MAGI2: variants seen among roughly 807,000 people sequenced by gnomAD.
MAGI2 encodes the protein membrane-associated guanylate kinase, WW and PDZ domain-containing protein 2.
MAGI2 carries 35 observed loss-of-function variants against 133.3 expected under a neutral mutation model. The observed-to-expected ratio is 0.26, with a 90% CI of 0.20 to 0.35. The LOEUF (loss-of-function observed/expected upper bound fraction) is 0.35. MAGI2 is among the 10% of genes least tolerant of loss of function. MAGI2 has a pLI of 1.00. For synonymous variants in MAGI2, 729 were observed against 710.6 expected (o/e 1.03, Z -0.41); for missense variants, 1,636 against 1,863.4 (o/e 0.88, Z 2.25).
intron 21 of MAGI2, among the ~76,000 whole-genome samples, chr7:78,028,342 T>C (rs1436442677): frequency 1.3e-5 from 2 of 152,214 alleles, no homozygotes; most frequent in Admixed American, 1.3e-4. Context: ...TATTGAAGCT[T>C]CACATTTATA....
chr7:78,845,775 C>T (rs982001397), intron 2 of MAGI2, among the ~76,000 whole-genome samples: 1 of 151,862 alleles, frequency 6.6e-6, no homozygotes, highest in African/African-American at 2.4e-5. Context: ...TTGACTGATT[C>T]CTCACATTGC....
chr7:78,251,465 C>A (rs547219742), intron 10 of MAGI2: 1 of 152,180 alleles, frequency 6.6e-6, no homozygotes, highest in Non-Finnish European at 1.5e-5. Context: ...ATAATAACTA[C>A]ATAGAATATA....
chr7:78,455,851 T>A (rs949718887), intron 6 of MAGI2, among the ~76,000 whole-genome samples: 1 of 152,098 alleles, frequency 6.6e-6, no homozygotes. Flanking sequence ...AGTCTACCTA[T>A]TTTTTGTTTA....
chr7:79,220,895 C>T (rs1253715890), intron 1 of MAGI2, among the ~76,000 whole-genome samples: 2 of 152,010 alleles, frequency 1.3e-5, no homozygotes, highest in East Asian at 3.9e-4. Context: ...AAAAAAGACT[C>T]ACCTGAAGAG....
intron 6 of MAGI2, among the ~76,000 whole-genome samples, chr7:78,472,588 G>A (rs1391422960): frequency 1.3e-5 from 2 of 152,088 alleles, no homozygotes; most frequent in Non-Finnish European, 2.9e-5. Context: ...AGGGAATACT[G>A]TATTTCTAAG....
intron 6 of MAGI2, among the ~76,000 whole-genome samples, chr7:78,471,681 T>C (rs1384865088): frequency 6.6e-6 from 1 of 152,048 alleles, no homozygotes; most frequent in Non-Finnish European, 1.5e-5. Context: ...ATCTCAGCCA[T>C]TTGGGAGAAC....
chr7:78,833,668 G>A (rs963687714), intron 2 of MAGI2, among the ~76,000 whole-genome samples: 3 of 152,146 alleles, frequency 2.0e-5, no homozygotes, highest in African/African-American at 7.2e-5. Context: ...AGCCCTCTCT[G>A]TTCATATCCT....
At chr7:79,372,910 A>G (rs1843141452) in intron 1 of MAGI2, among the ~76,000 whole-genome samples, 1 of 151,954 alleles carries the variant, frequency 6.6e-6, no homozygotes, top group Non-Finnish European at 1.5e-5. Context: ...GCTTTGGGGG[A>G]GTTCAGAAAT....
intron 2 of MAGI2, among the ~76,000 whole-genome samples, chr7:78,776,181 C>T (rs1047286781): frequency 1.3e-5 from 2 of 152,186 alleles, no homozygotes; most frequent in African/African-American, 2.4e-5. Context: ...TATTTTATTA[C>T]CACTATTGTT....
intron 1 of MAGI2, among the ~76,000 whole-genome samples, chr7:79,065,626 T>C (rs1168813206): frequency 1.3e-5 from 2 of 152,154 alleles, no homozygotes; most frequent in African/African-American, 4.8e-5. Context: ...GTTTGCTACA[T>C]AGGCATACAT....
chr7:78,716,120 T>C (rs1293274511), intron 2 of MAGI2, among the ~76,000 whole-genome samples: 1 of 152,180 alleles, frequency 6.6e-6, no homozygotes. Flanking sequence ...CCACTGCAAG[T>C]AGTGTGTAGT....
intron 13 of MAGI2, among the ~76,000 whole-genome samples, chr7:78,180,880 T>C (rs1019095729): frequency 1.3e-5 from 2 of 149,978 alleles, no homozygotes; most frequent in Non-Finnish European, 3.0e-5. Flanking sequence ...AATAGTCAAC[T>C]GGAAAAAAAG....
chr7:78,316,833 A>C (rs1381163070), intron 9 of MAGI2, among the ~76,000 whole-genome samples: 1 of 152,224 alleles, frequency 6.6e-6, no homozygotes, highest in African/African-American at 2.4e-5. Context: ...ATGAGCAATC[A>C]GGGATTCTGG....
intron 10 of MAGI2, among the ~76,000 whole-genome samples, chr7:78,237,757 A>G (rs1403575638): frequency 6.6e-6 from 1 of 152,174 alleles, no homozygotes; most frequent in Non-Finnish European, 1.5e-5. Flanking sequence ...TAATGAAGAG[A>G]CAATGTGTAT....
In MAGI2 at chr7:78,256,043, G is replaced by A; in HGVS notation, c.1947C>T (p.Ile649=). ...GLCEGDLIVE[I]NQQNVQNLSH... ...TCAGGTTCTGTACATTCTGCTGGTTGATCTCAACAATGAGGTCGCCTTCAC... is the reference window on the plus strand; with the variant it reads ...TCAGGTTCTGTACATTCTGCTGGTTAATCTCAACAATGAGGTCGCCTTCAC... The change falls in exon 10 of 22, where the codon ATC becomes ATT. Residue 649 remains isoleucine (I), a synonymous_variant. Coordinates refer to ENST00000354212, the MANE Select transcript of MAGI2 (RefSeq NM_012301.4). 6.2e-7 allele frequency: 1 copy of A among 1,613,580 alleles called. No individual in the cohort carries two copies. The highest frequency in any genetic ancestry group is 8.5e-7 in the Non-Finnish European group (1 of 1,179,844).
At chr7:78,782,894 G>T (rs939579297) in intron 2 of MAGI2, among the ~76,000 whole-genome samples, 4 of 151,792 alleles carry the variant, frequency 2.6e-5, no homozygotes, top group Non-Finnish European at 5.9e-5. Flanking sequence ...GACTTCTTTT[G>T]GGAACTTTAA....
intron 3 of MAGI2, among the ~76,000 whole-genome samples, chr7:78,547,887 A>G (rs952655254): frequency 6.6e-6 from 1 of 152,224 alleles, no homozygotes; most frequent in African/African-American, 2.4e-5. Flanking sequence ...GACCTGCTAT[A>G]TTCCCAATAG....
Position 78,070,106 on chromosome 7 carries a change from TACAC to T in MAGI2, c.3706+8837_3706+8840del, listed in dbSNP as rs67410981. Among the ~76,000 whole-genome samples, 125 of 79,704 alleles carry T rather than the reference TACAC, an allele frequency of 1.6e-3. 1 individual carries two copies. The highest frequency in any genetic ancestry group is 3.9e-3 in the African/African-American group (109 of 27,764). 52.3% of individuals were successfully genotyped at this position (79,704 alleles called of 152,430 possible). A position where few individuals can be genotyped will look rare whatever the true frequency, so the allele number is the denominator to read the frequency against. ...GTCACTATAAACACACACACACACA[TACAC>T]ACACACACACACACACATATATGTG... On this transcript the variant is annotated intron_variant, in intron 21 of 21. Coordinates refer to ENST00000354212, the MANE Select transcript of MAGI2 (RefSeq NM_012301.4).
Position 78,019,152 on chromosome 7 carries a change from G to T in MAGI2, c.*163C>A. ...TAGGTCTGCGCGTTGATGCGATGCCGCCCAAGCACACCGGACACGTGGGAC... is the reference window on the plus strand; with the variant it reads ...TAGGTCTGCGCGTTGATGCGATGCCTCCCAAGCACACCGGACACGTGGGAC... On this transcript the variant is annotated 3_prime_UTR_variant, in exon 22 of 22. Transcript: ENST00000354212. 1 of 808,792 alleles carries T rather than the reference G, an allele frequency of 1.2e-6. No homozygotes were observed. Among genetic ancestry groups the T allele is most frequent in the Non-Finnish European group, 1.9e-6 (1 of 524,564 alleles). The allele number at this position is 808,792 out of a possible 1,614,324, so 50.1% of individuals were successfully genotyped here. A position where few individuals can be genotyped will look rare whatever the true frequency, so the allele number is the denominator to read the frequency against.
Sources: allele counts gnomAD v4.1 joint callset (sites outside exome capture counted in the v4.1 genomes callset), GRCh38; gene constraint gnomAD v4.1.1; transcripts MANE v1.5; gene names NCBI Gene and HGNC (gene_info 2026-07-23, HGNC 2026-07-21).